VEZT: variants seen among roughly 807,000 people sequenced by gnomAD.
VEZT encodes vezatin, adherens junctions transmembrane protein, also known as vezatin.
In VEZT, 39 loss-of-function variants were observed where a neutral mutation model predicts 79.9. The observed-to-expected ratio is 0.49, with a 90% CI of 0.38 to 0.64. The LOEUF is 0.64. VEZT is among the 30% of genes least tolerant of loss of function. VEZT has a pLI of 0.00. For missense variants in VEZT, 837 were observed against 893.1 expected, an observed-to-expected ratio of 0.94 and a Z score of 0.80; for synonymous variants, 325 against 327.6, an observed-to-expected ratio of 0.99 and a Z score of 0.09.
chr12:95,245,732 T>C (rs2061626379), intron 1 of VEZT, among the ~76,000 whole-genome samples: 3 of 152,192 alleles, frequency 2.0e-5, no homozygotes. Flanking sequence ...ATAATCCCAG[T>C]GACTCAGGAG....
At chr12:95,256,478 C>T in intron 2 of VEZT, 1 of 795,870 alleles carries the variant, frequency 1.3e-6, no homozygotes, top group Non-Finnish European at 1.7e-6. Context: ...TTTATATTGT[C>T]TCTTCTTCTA....
At chr12:95,246,690 A>G (rs1163170596) in intron 1 of VEZT, among the ~76,000 whole-genome samples, 1 of 152,234 alleles carries the variant, frequency 6.6e-6, no homozygotes, top group African/African-American at 2.4e-5. Context: ...ACTTACAGGA[A>G]TAGTGAACCA....
At chr12:95,288,635 A>C (rs2071644872) in intron 9 of VEZT, among the ~76,000 whole-genome samples, 1 of 152,190 alleles carries the variant, frequency 6.6e-6, no homozygotes. Context: ...GATTTGTAAT[A>C]ATTTCTTTAA....
At chr12:95,263,324 C>T (rs545900442) in intron 4 of VEZT, among the ~76,000 whole-genome samples, 3 of 152,242 alleles carry the variant, frequency 2.0e-5, no homozygotes, top group South Asian at 4.1e-4. Context: ...GTTCTGTGCT[C>T]AGCAACCTAG....
chr12:95,226,098 T>C (rs1214276331), intron 1 of VEZT, among the ~76,000 whole-genome samples: 2 of 137,548 alleles, frequency 1.5e-5, no homozygotes, highest in Admixed American at 1.5e-4. Context: ...TGCCTTTATT[T>C]AAAAAAAAAA....
chr12:95,230,382 C>T (rs1405323951), intron 1 of VEZT, among the ~76,000 whole-genome samples: 2 of 150,570 alleles, frequency 1.3e-5, no homozygotes, highest in Non-Finnish European at 3.0e-5. Context: ...TCATTAAGAT[C>T]TTTATTAAAA....
At chr12:95,299,485 A>G (rs1156756075) in intron 11 of VEZT, 1 of 152,202 alleles carries the variant, frequency 6.6e-6, no homozygotes, top group African/African-American at 2.4e-5. Flanking sequence ...TGCAGACTTC[A>G]TTTGTATTTT....
At chr12:95,257,729 C>A (rs1260525681) in intron 3 of VEZT, among the ~76,000 whole-genome samples, 1 of 152,082 alleles carries the variant, frequency 6.6e-6, no homozygotes, top group Non-Finnish European at 1.5e-5. Context: ...GGAGTATAGC[C>A]TAAAAATTCA....
At chr12:95,230,078 C>T (rs913113771) in intron 1 of VEZT, among the ~76,000 whole-genome samples, 3 of 139,218 alleles carry the variant, frequency 2.2e-5, no homozygotes, top group Admixed American at 7.8e-5. Context: ...GCACTCCAGC[C>T]TGGGCAACAG....
intron 1 of VEZT, among the ~76,000 whole-genome samples, chr12:95,224,671 G>A (rs993251294): frequency 6.6e-6 from 1 of 152,148 alleles, no homozygotes; most frequent in African/African-American, 2.4e-5. Context: ...TGTAAGGCAT[G>A]TTTTCTTGCC....
rs142384292 is a variant in VEZT, at chr12:95,259,333, G to A, written c.258+2094G>A. 3.3e-5 allele frequency among the ~76,000 whole-genome samples: 5 copies of A among 151,974 alleles called. No homozygotes were observed. The East Asian group carries it at 7.7e-4, about 23-fold the overall frequency. On this transcript the variant is annotated intron_variant, in intron 3 of 11. Coordinates refer to ENST00000436874, the MANE Select transcript of VEZT (RefSeq NM_017599.4). The stretch of plus-strand genomic sequence containing the variant: ...ATTACTTTGTGTTCTATAAGTTTTT[G>A]TATTGTAATATATCCAACGTGTGCT...
At chr12:95,255,786 C>T (rs2063377837) in intron 2 of VEZT, among the ~76,000 whole-genome samples, 1 of 152,082 alleles carries the variant, frequency 6.6e-6, no homozygotes, top group Non-Finnish European at 1.5e-5. Context: ...CCAGTTTAGC[C>T]CCTGCACTAT....
At chr12:95,274,704 A>G (rs192926276) in intron 6 of VEZT, 38 bp from the exon 7 acceptor site, 15 of 1,578,750 alleles carry the variant, frequency 9.5e-6, no homozygotes, top group Middle Eastern at 3.4e-4. Flanking sequence ...TTATGCTTTC[A>G]TGAAAAGGCT....
intron 1 of VEZT, among the ~76,000 whole-genome samples, chr12:95,234,024 A>G (rs2059643715): frequency 6.6e-6 from 1 of 152,196 alleles, no homozygotes. Context: ...AACGTTGCCA[A>G]AACTGAGTAT....
rs528733397 is a variant in VEZT at position 95,235,531 on chromosome 12, C to T, written c.37-16409C>T. Among the ~76,000 whole-genome samples, 230 of 131,572 alleles carry T rather than the reference C, an allele frequency of 1.7e-3. 6 individuals carry two copies. The East Asian group carries it at 0.05, about 28-fold the overall frequency. 86.3% of individuals were successfully genotyped at this position (131,572 alleles called of 152,430 possible). On this transcript the variant is annotated intron_variant, in intron 1 of 11. Coordinates refer to ENST00000436874, the MANE Select transcript of VEZT (RefSeq NM_017599.4). ...TCACCTCCCGGACGGGGCAGCTGGC[C>T]GGGCGGGGGGCTGACCCCCCGACCT... is the stretch of plus-strand genomic sequence containing the variant.
At chr12:95,285,170 G>A (rs898178179) in intron 8 of VEZT, among the ~76,000 whole-genome samples, 8 of 150,956 alleles carry the variant, frequency 5.3e-5, no homozygotes, top group African/African-American at 1.5e-4. Flanking sequence ...CCGGCCAGGC[G>A]CAATGGCTAA....
At chr12:95,281,926 T>A (rs1285656715) in intron 7 of VEZT, among the ~76,000 whole-genome samples, 5 of 152,038 alleles carry the variant, frequency 3.3e-5, no homozygotes, top group African/African-American at 1.2e-4. Flanking sequence ...ACTCATTTCT[T>A]TGGAGAGAAA....
rs368991375 is a variant in VEZT, at chr12:95,222,626, T to C, written c.36+4740T>C. 7.9e-5 allele frequency among the ~76,000 whole-genome samples: 12 copies of C among 152,306 alleles called. No individual in the cohort carries two copies. In the East Asian group the frequency reaches 2.3e-3, roughly 29 times the overall value. On this transcript the variant is annotated intron_variant, in intron 1 of 11. Transcript: ENST00000436874. Reference sequence around the variant, plus strand: ...TCTTCAGGATTGCCTTTGGCTATTCTTGGCCCATTATATTTCCATATAAAT... The same window carrying C: ...TCTTCAGGATTGCCTTTGGCTATTCCTGGCCCATTATATTTCCATATAAAT...
intron 1 of VEZT, among the ~76,000 whole-genome samples, chr12:95,250,835 A>G (rs1390193590): frequency 2.0e-5 from 3 of 150,962 alleles, no homozygotes; most frequent in African/African-American, 7.3e-5. Context: ...AGTGCTTACT[A>G]TGTGGCAAGG....
Sources: gnomAD v4.1 joint callset for allele counts (sites outside exome capture counted in the v4.1 genomes callset) on GRCh38, gnomAD v4.1.1 for gene constraint, MANE v1.5 for transcripts, NCBI Gene and HGNC (gene_info 2026-07-23, HGNC 2026-07-21) for gene names.